PARL: variants seen among roughly 807,000 people sequenced by gnomAD.
PARL encodes the protein presenilin-associated rhomboid-like protein, mitochondrial.
A neutral mutation model predicts 51.6 loss-of-function variants in PARL; 44 were observed. The observed-to-expected ratio is 0.85, with a 90% CI of 0.67 to 1.10. The LOEUF (loss-of-function observed/expected upper bound fraction) is 1.10. Ranked by LOEUF, PARL falls within the 50% of genes least tolerant of loss-of-function variation. PARL has a pLI of 0.00. For missense variants in PARL, 441 were observed against 469.5 expected (o/e 0.94, Z 0.56); for synonymous variants, 172 against 164.0 (o/e 1.05, Z -0.37).
At chr3:183,860,862 C>CTGGAG (rs1731743214) in intron 4 of PARL, among the ~76,000 whole-genome samples, 1 of 142,094 alleles carries the variant, frequency 7.0e-6, no homozygotes, top group Non-Finnish European at 1.5e-5. Flanking sequence ...GTCGTCCAGG[C>CTGGAG]TGGAGTGCAG....
intron 6 of PARL, among the ~76,000 whole-genome samples, chr3:183,840,919 C>T (rs141942360): frequency 5.9e-4 from 90 of 152,126 alleles, no homozygotes; most frequent in African/African-American, 2.0e-3. Context: ...TAAACAGTGT[C>T]GGGTTTCAAT....
intron 1 of PARL, among the ~76,000 whole-genome samples, chr3:183,873,614 G>C (rs530843529): frequency 6.6e-6 from 1 of 152,126 alleles, no homozygotes; most frequent in South Asian, 2.1e-4. Flanking sequence ...TTGGTTCCTA[G>C]CATTTGTCAT....
At chr3:183,827,507 T>C (rs1347220614), downstream of PARL, among the ~76,000 whole-genome samples, 1 of 152,142 alleles carries the variant, frequency 6.6e-6, no homozygotes, top group Non-Finnish European at 1.5e-5. Context: ...TTTTTAGCAC[T>C]CTGGCAGGCA....
At chr3:183,881,178 G>C (rs1490123457) in intron 1 of PARL, among the ~76,000 whole-genome samples, 2 of 147,706 alleles carry the variant, frequency 1.4e-5, no homozygotes, top group African/African-American at 2.5e-5. Context: ...CTGGAGTACA[G>C]TGATGCAATC....
At chr3:183,838,618 C>T (rs1041240553) in intron 7 of PARL, among the ~76,000 whole-genome samples, 3 of 152,144 alleles carry the variant, frequency 2.0e-5, no homozygotes, top group Non-Finnish European at 4.4e-5. Flanking sequence ...ACTTGCTTTG[C>T]ACCTCAGAAA....
chr3:183,853,305 G>C (rs1263298641), intron 4 of PARL, among the ~76,000 whole-genome samples: 2 of 152,168 alleles, frequency 1.3e-5, no homozygotes, highest in Non-Finnish European at 2.9e-5. Context: ...GCTCATGCCT[G>C]TAAACCCAGC....
intron 4 of PARL, among the ~76,000 whole-genome samples, chr3:183,855,985 A>G (rs1225480437): frequency 1.3e-5 from 2 of 151,578 alleles, no homozygotes; most frequent in Admixed American, 1.3e-4. Context: ...AAAAAAAACA[A>G]AAAAAACCCC....
chr3:183,829,191 A>G (rs751344617), downstream of PARL: 17 of 259,844 alleles, frequency 6.5e-5, no homozygotes, highest in Non-Finnish European at 1.2e-4. Context: ...TTTTATGTGC[A>G]GCCAACCCAG....
At position 183,866,655 on chromosome 3, in the gene PARL, T is replaced by C. The variant is rs745910399; in HGVS notation, c.432A>G (p.Arg144=). 6 of 1,611,904 alleles carry C rather than the reference T, an allele frequency of 3.7e-6. No individual in the cohort carries two copies. Among genetic ancestry groups the C allele is most frequent in the Non-Finnish European group, 5.1e-6 (6 of 1,179,442 alleles). The change falls in exon 3 of 10, where the codon AGA becomes AGG. Residue 144 remains arginine (R), a synonymous_variant. Coordinates refer to ENST00000317096, the MANE Select transcript of PARL (RefSeq NM_018622.7). ...TTCTGAAGTCTCCTTCTTTTTGTGG[T>C]CTTATGCTATCCAACCAATCAGCTT... is the stretch of plus-strand genomic sequence containing the variant. ...GIKADWLDSI[R]PQKEGDFRKE...
In PARL at chr3:183,871,540, G is replaced by A. The variant is rs114438149; in HGVS notation, c.126-3480C>T. Among the ~76,000 whole-genome samples, 25 of 150,212 alleles carry A rather than the reference G, an allele frequency of 1.7e-4. No individual in the cohort carries two copies. The South Asian group carries it at 3.8e-3, about 23-fold the overall frequency. On this transcript the variant is annotated intron_variant, in intron 1 of 9. Coordinates refer to ENST00000317096, the MANE Select transcript of PARL (RefSeq NM_018622.7). Reference sequence around the variant, plus strand: ...GCCAAAAAAAAAAAAAAAGGCTTGGGGGGGAGGGGTGGGGAAGAACTAATC... The same window carrying A: ...GCCAAAAAAAAAAAAAAAGGCTTGGAGGGGAGGGGTGGGGAAGAACTAATC...
At chr3:183,859,421 T>C (rs1560408388) in intron 4 of PARL, among the ~76,000 whole-genome samples, 1 of 152,086 alleles carries the variant, frequency 6.6e-6, no homozygotes, top group African/African-American at 2.4e-5. Context: ...CACTGCAACC[T>C]CTGCCTCCCA....
chr3:183,858,551 A>G (rs1050022703), intron 4 of PARL, among the ~76,000 whole-genome samples: 6 of 152,062 alleles, frequency 3.9e-5, no homozygotes, highest in Non-Finnish European at 8.8e-5. Flanking sequence ...AATTTAGCTG[A>G]TTTTTTCCTG....
chr3:183,847,832 A>G (rs1327750464), intron 4 of PARL, among the ~76,000 whole-genome samples: 2 of 152,206 alleles, frequency 1.3e-5, no homozygotes, highest in African/African-American at 4.8e-5. Context: ...ACATGCACCT[A>G]GCATGCAAAT....
At chr3:183,847,146 A>G (rs1253604201) in intron 4 of PARL, among the ~76,000 whole-genome samples, 1 of 152,214 alleles carries the variant, frequency 6.6e-6, no homozygotes, top group Non-Finnish European at 1.5e-5. Context: ...GGCTAAAAGT[A>G]TGGGTGAAGG....
chr3:183,859,028 C>T (rs181130483), intron 4 of PARL, among the ~76,000 whole-genome samples: 126 of 152,148 alleles, frequency 8.3e-4, no homozygotes, highest in Admixed American at 2.4e-3. Flanking sequence ...ACAGACTCGC[C>T]GGGCGCGGTG....
chr3:183,851,091 T>C (rs958470946), intron 4 of PARL, among the ~76,000 whole-genome samples: 1 of 152,338 alleles, frequency 6.6e-6, no homozygotes, highest in South Asian at 2.1e-4. Flanking sequence ...GACAAGTGGA[T>C]AGCCATAAGC....
chr3:183,862,641 T>TA, intron 4 of PARL, 112 bp downstream of exon 4: 1 of 814,290 alleles, frequency 1.2e-6, no homozygotes. Flanking sequence ...ACAGAGACTG[T>TA]CTTCTAAACC....
chr3:183,879,248 C>T lies in PARL; in HGVS notation c.125+5474G>A, dbSNP rs929897861. Among the ~76,000 whole-genome samples the T allele has an allele frequency of 2.6e-4, 39 of 152,228 alleles. 1 individual carries two copies. Among genetic ancestry groups the T allele is most frequent in the Non-Finnish European group, 1.5e-5 (1 of 68,044 alleles). On this transcript the variant is annotated intron_variant, in intron 1 of 9. Coordinates refer to ENST00000317096, the MANE Select transcript of PARL (RefSeq NM_018622.7). ...GATTGGCTTAAGCCAAATTTCACAT[C>T]CCATTCCTTGGCAACTTCAAGGGAT...
At chr3:183,881,360 G>T (rs983200619) in intron 1 of PARL, among the ~76,000 whole-genome samples, 2 of 152,144 alleles carry the variant, frequency 1.3e-5, no homozygotes, top group African/African-American at 4.8e-5. Context: ...GACCTCAGGT[G>T]ATCCACCCGC....
Sources: gnomAD v4.1 joint callset for allele counts (sites outside exome capture counted in the v4.1 genomes callset) on GRCh38, gnomAD v4.1.1 for gene constraint, MANE v1.5 for transcripts, NCBI Gene and HGNC (gene_info 2026-07-23, HGNC 2026-07-21) for gene names.